ZNF562: variants seen among roughly 807,000 people sequenced by gnomAD.
ZNF562 encodes zinc finger protein 562.
ZNF562 carries 13 observed loss-of-function variants against 17.5 expected under a neutral mutation model. The ratio of observed to expected loss-of-function variants is 0.74; its 90% CI spans 0.48 to 1.18. The LOEUF is 1.18. Among genes scored for constraint, ZNF562 ranks in the 50% most tolerant of loss-of-function variants. ZNF562 has a pLI of 0.00. For synonymous variants in ZNF562, 163 were observed against 165.4 expected (o/e 0.99, Z 0.11); for missense variants, 481 against 498.5 (o/e 0.96, Z 0.33).
intron 1 of ZNF562, among the ~76,000 whole-genome samples, chr19:9,661,866 G>A (rs1238862449): frequency 1.3e-5 from 2 of 152,062 alleles, no homozygotes; most frequent in Admixed American, 6.6e-5. Context: ...TCTCAAACAA[G>A]TGATTCTCCC....
At position 9,647,687 on chromosome 19, in the gene ZNF562, C is replaced by G. The variant is rs1391425789; in HGVS notation, c.*5262G>C. On this transcript the variant is annotated 3_prime_UTR_variant, in exon 6 of 6. Transcript: ENST00000453372. ...GGCCAACTTGATGAAACCGTCTCTACTAAAAATACAAAAATCAGCCAGGCA... is the reference window on the plus strand; with the variant it reads ...GGCCAACTTGATGAAACCGTCTCTAGTAAAAATACAAAAATCAGCCAGGCA... 2 of 151,946 alleles carry G rather than the reference C, an allele frequency of 1.3e-5. No homozygotes were observed. The highest frequency in any genetic ancestry group is 1.3e-4 in the Admixed American group (2 of 15,230). The allele number at this position is 151,946 out of a possible 1,614,324, so 9.4% of individuals were successfully genotyped here. A position where few individuals can be genotyped will look rare whatever the true frequency, so the allele number is the denominator to read the frequency against.
At chr19:9,659,492 A>T in intron 2 of ZNF562, 25 bp from the exon 3 acceptor site, 1 of 1,548,456 alleles carries the variant, frequency 6.5e-7, no homozygotes, top group Non-Finnish European at 8.7e-7. Context: ...AGAAGGCATG[A>T]GAAGCCAGAG....
chr19:9,648,995 A>T lies in ZNF562; in HGVS notation c.*3954T>A, dbSNP rs754886029. On this transcript the variant is annotated 3_prime_UTR_variant, in exon 6 of 6. Transcript: ENST00000453372. ...AAAGAAAAAACTTTTCCTGCAGGAC[A>T]TTGTTGCAGGAAGTCAGGGACCCCA... 15 of 152,246 alleles carry T rather than the reference A, an allele frequency of 9.9e-5. No homozygotes were observed. Among genetic ancestry groups the T allele is most frequent in the Non-Finnish European group, 1.9e-4 (13 of 68,022 alleles). The allele number at this position is 152,246 out of a possible 1,614,324, so 9.4% of individuals were successfully genotyped here.
intron 3 of ZNF562, among the ~76,000 whole-genome samples, chr19:9,659,037 A>G (rs1196887508): frequency 1.3e-5 from 2 of 152,250 alleles, no homozygotes; most frequent in Non-Finnish European, 2.9e-5. Context: ...AGCACACTGC[A>G]GATACCTGAT....
Position 9,650,981 on chromosome 19 carries a change from A to AAAAAAAAAAAAC in ZNF562, c.*1967_*1968insGTTTTTTTTTTT, listed in dbSNP as rs2074859620. 6.7e-6 allele frequency: 1 copy of AAAAAAAAAAAAC among 149,044 alleles called. No individual in the cohort carries two copies. Among genetic ancestry groups the AAAAAAAAAAAAC allele is most frequent in the African/African-American group, 2.5e-5 (1 of 39,764 alleles). The allele number at this position is 149,044 out of a possible 1,614,324, so 9.2% of individuals were successfully genotyped here. On this transcript the variant is annotated 3_prime_UTR_variant, in exon 6 of 6. Transcript: ENST00000453372. ...AAAAAAAAAAAAAAAAAAAAAAAAA[A>AAAAAAAAAAAAC]ATCCTGTGTTTTTAACCTCATTGAT...
intron 1 of ZNF562, among the ~76,000 whole-genome samples, chr19:9,669,720 G>T (rs1395596846): frequency 0.038 from 3,199 of 84,504 alleles, 140 homozygotes; most frequent in African/African-American, 0.12. Flanking sequence ...GCGCGCGAGC[G>T]CGCGCGCGCG....
At chr19:9,669,734 G>GCACGCACA (rs2044099640) in intron 1 of ZNF562, among the ~76,000 whole-genome samples, 3 of 109,302 alleles carry the variant, frequency 2.7e-5, no homozygotes, top group Non-Finnish European at 5.6e-5. Flanking sequence ...GCGCGCGCGC[G>GCACGCACA]CACACACACA....
Position 9,658,132 on chromosome 19 carries a change from A to C in ZNF562, c.118T>G (p.Ser40Ala). 1.9e-6 allele frequency: 3 copies of C among 1,612,560 alleles called. No homozygotes were observed. Among genetic ancestry groups the C allele is most frequent in the Non-Finnish European group, 2.5e-6 (3 of 1,179,256 alleles). ...ACAGCCACATCATCAAACGTCACTG[A>C]ATCCTAAGTCATCAAACACATGCTG... The part of the protein sequence containing the change: ...EDHRSNSYQD[S>A]VTFDDVAVEF... Residue 40 changes from serine (S) to alanine (A), a missense_variant, in exon 4 of 6, where the codon TCA (serine) becomes GCA (alanine). Around this residue, in one of 2 missense-constraint regions of ZNF562, gnomAD observed 403 missense variants for 386.4 expected, o/e 1.04. Coordinates refer to ENST00000453372, the MANE Select transcript of ZNF562 (RefSeq NM_001130031.2).
In ZNF562 at chr19:9,645,972, T is replaced by C. The variant is rs2074803541; in HGVS notation, c.*6977A>G. 1 of 151,884 alleles carries C rather than the reference T, an allele frequency of 6.6e-6. No individual in the cohort carries two copies. Among genetic ancestry groups the C allele is most frequent in the Non-Finnish European group, 1.5e-5 (1 of 67,994 alleles). The allele number at this position is 151,884 out of a possible 1,614,324, so 9.4% of individuals were successfully genotyped here. A position where few individuals can be genotyped will look rare whatever the true frequency, so the allele number is the denominator to read the frequency against. Reference sequence around the variant, plus strand: ...ACACAATGAAACAAACAAAAAAAATTAGATGCTAGAAATTAATCCAAATTA... The same window carrying C: ...ACACAATGAAACAAACAAAAAAAATCAGATGCTAGAAATTAATCCAAATTA... On this transcript the variant is annotated 3_prime_UTR_variant, in exon 6 of 6. Transcript: ENST00000453372.
In ZNF562 at chr19:9,644,743, A is replaced by G. The variant is rs2074795160; in HGVS notation, c.*8206T>C. On this transcript the variant is annotated 3_prime_UTR_variant, in exon 6 of 6. Coordinates refer to ENST00000453372, the MANE Select transcript of ZNF562 (RefSeq NM_001130031.2). ...CAGCTACTTGGCTGACTGAGGCATG[A>G]GAATTACTTGAACAGCATGGGGAAA... 6.6e-6 allele frequency: 1 copy of G among 152,158 alleles called. No homozygotes were observed. The highest frequency in any genetic ancestry group is 2.4e-5 in the African/African-American group (1 of 41,458). The allele number at this position is 152,158 out of a possible 1,614,324, so 9.4% of individuals were successfully genotyped here.
intron 1 of ZNF562, among the ~76,000 whole-genome samples, chr19:9,664,638 G>A (rs186817570): frequency 4.7e-4 from 72 of 152,248 alleles, no homozygotes; most frequent in East Asian, 1.2e-3. Context: ...GGTTTCTGCC[G>A]TTTTTGAAAA....
chr19:9,672,001 A>G (rs1326987662), intron 1 of ZNF562, among the ~76,000 whole-genome samples: 1 of 152,190 alleles, frequency 6.6e-6, no homozygotes, highest in Non-Finnish European at 1.5e-5. Flanking sequence ...TCTGGACCCA[A>G]TTCCAAGTTT....
rs1352880955 is a variant in ZNF562, at chr19:9,644,510, A to C, written c.*8439T>G. On this transcript the variant is annotated 3_prime_UTR_variant, in exon 6 of 6. Coordinates refer to ENST00000453372, the MANE Select transcript of ZNF562 (RefSeq NM_001130031.2). ...CCACCGTGCCTGGCCGAGACTGGGT[A>C]AGTTATGAAGAAAAAGAGGTTTAAT... is the stretch of plus-strand genomic sequence containing the variant. 6.6e-6 allele frequency: 1 copy of C among 152,078 alleles called. No individual in the cohort carries two copies. The highest frequency in any genetic ancestry group is 2.1e-4 in the South Asian group (1 of 4,822). The allele number at this position is 152,078 out of a possible 1,614,324, so 9.4% of individuals were successfully genotyped here.
intron 1 of ZNF562, among the ~76,000 whole-genome samples, chr19:9,670,482 C>T (rs1599325146): frequency 6.6e-6 from 1 of 150,702 alleles, no homozygotes; most frequent in Non-Finnish European, 1.5e-5. Context: ...ATATAGACAG[C>T]AGATTATTAT....
chr19:9,646,585 A>C lies in ZNF562; in HGVS notation c.*6364T>G, dbSNP rs1396402272. ...TCATAAACCTGGGTACTCTCTACCAAGATTAACACAAGCAAAGGGAAAGAA... is the reference window on the plus strand; with the variant it reads ...TCATAAACCTGGGTACTCTCTACCACGATTAACACAAGCAAAGGGAAAGAA... On this transcript the variant is annotated 3_prime_UTR_variant, in exon 6 of 6. Transcript: ENST00000453372. 1 of 152,192 alleles carries C rather than the reference A, an allele frequency of 6.6e-6. No homozygotes were observed. The highest frequency in any genetic ancestry group is 1.9e-4 in the East Asian group (1 of 5,202). 9.4% of individuals were successfully genotyped at this position (152,192 alleles called of 1,614,324 possible). A position where few individuals can be genotyped will look rare whatever the true frequency, so the allele number is the denominator to read the frequency against.
Position 9,650,954 on chromosome 19 carries a change from C to CAAAAAAAAAAAAAAAAAAAAAAAAAAAA in ZNF562, c.*1967_*1994dup, listed in dbSNP as rs74178208. 2.2e-5 allele frequency: 1 copy of CAAAAAAAAAAAAAAAAAAAAAAAAAAAA among 46,284 alleles called. No individual in the cohort carries two copies. Among genetic ancestry groups the CAAAAAAAAAAAAAAAAAAAAAAAAAAAA allele is most frequent in the African/African-American group, 6.2e-5 (1 of 16,014 alleles). 2.9% of individuals were successfully genotyped at this position (46,284 alleles called of 1,614,324 possible). The stretch of plus-strand genomic sequence containing the variant: ...GGGCAACAAGAGCAAAACTCCATCT[C>CAAAAAAAAAAAAAAAAAAAAAAAAAAAA]AAAAAAAAAAAAAAAAAAAAAAAAA... On this transcript the variant is annotated 3_prime_UTR_variant, in exon 6 of 6. Transcript: ENST00000453372.
Position 9,660,800 on chromosome 19 carries a change from C to A in ZNF562, c.-56G>T. On this transcript the variant is annotated 5_prime_UTR_variant, in exon 2 of 6. Transcript: ENST00000453372. ...ATGCTGTCTTTCTTGATGCCAAGAT[C>A]GCCTCAGGGCAGCTTATGAATCTAG... 2 of 1,594,636 alleles carry A rather than the reference C, an allele frequency of 1.3e-6. No individual in the cohort carries two copies. The highest frequency in any genetic ancestry group is 8.6e-7 in the Non-Finnish European group (1 of 1,166,340).
At chr19:9,657,843 G>A (rs1002982368) in intron 4 of ZNF562, among the ~76,000 whole-genome samples, 166 bp downstream of exon 4, 6 of 151,902 alleles carry the variant, frequency 3.9e-5, no homozygotes, top group African/African-American at 7.3e-5. Context: ...CTCCGGGACC[G>A]GCCTAGTCTT....
Position 9,653,580 on chromosome 19 carries a change from G to T in ZNF562, c.650C>A (p.Ala217Glu). 6.8e-6 allele frequency: 11 copies of T among 1,614,126 alleles called. No individual in the cohort carries two copies. Among genetic ancestry groups the T allele is most frequent in the Non-Finnish European group, 8.5e-6 (10 of 1,180,016 alleles). ...GATTCCCATGTGATTATCAAGGCTTGCAAAATACTTAAAGCCTTTTCCACA... is the reference window on the plus strand; with the variant it reads ...GATTCCCATGTGATTATCAAGGCTTTCAAAATACTTAAAGCCTTTTCCACA... The part of the protein sequence containing the change: ...KECGKGFKYF[A>E]SLDNHMGIHI... Residue 217 changes from alanine (A) to glutamate (E), a missense_variant, in exon 6 of 6, where the codon GCA (alanine) becomes GAA (glutamate). Coordinates refer to ENST00000453372, the MANE Select transcript of ZNF562 (RefSeq NM_001130031.2).
Sources: gnomAD v4.1 joint callset for allele counts (sites outside exome capture counted in the v4.1 genomes callset) on GRCh38, gnomAD v4.1.1 for gene constraint, gnomAD v4.1.1 regional missense constraint, MANE v1.5 for transcripts, NCBI Gene and HGNC (gene_info 2026-07-23, HGNC 2026-07-21) for gene names.